The following CGAS variants were observed in gnomAD, a reference collection of about 807,000 sequenced individuals.
CGAS encodes 2'3'-cGAMP synthase.
CGAS carries 31 observed loss-of-function variants against 34.0 expected under a neutral mutation model. The ratio of observed to expected loss-of-function variants is 0.91; its 90% CI spans 0.69 to 1.23. The LOEUF is 1.23. Ranked by LOEUF, CGAS falls within the 50% of genes most tolerant of loss-of-function variation. The pLI, the probability that CGAS is intolerant of heterozygous loss-of-function variation, is 0.00. For missense variants in CGAS, 597 were observed against 657.6 expected (o/e 0.91, Z 1.01); for synonymous variants, 266 against 260.0 (o/e 1.02, Z -0.22).
chr6:73,445,312 G>C (rs1378492316), intron 2 of CGAS, among the ~76,000 whole-genome samples: 1 of 151,392 alleles, frequency 6.6e-6, no homozygotes, highest in African/African-American at 2.4e-5. Context: ...ATTCATTAGA[G>C]AACAAATAGA....
chr6:73,429,965 A>C (rs1770166740), intron 3 of CGAS, among the ~76,000 whole-genome samples: 1 of 152,150 alleles, frequency 6.6e-6, no homozygotes, highest in African/African-American at 2.4e-5. Context: ...CAATCAATAT[A>C]ATCTGTCACA....
chr6:73,429,847 G>A (rs986830270), intron 3 of CGAS, among the ~76,000 whole-genome samples: 7 of 151,754 alleles, frequency 4.6e-5, no homozygotes, highest in South Asian at 2.1e-4. Flanking sequence ...ATTTCTCCCC[G>A]AGTCTTACCA....
At position 73,431,132 on chromosome 6, in the gene CGAS, A is replaced by C. The variant is rs1330696558; in HGVS notation, c.1115-2321T>G. On this transcript the variant is annotated intron_variant, in intron 3 of 4. Transcript: ENST00000370315. The stretch of plus-strand genomic sequence containing the variant: ...ACAAAAACAAAAACAAAAAACAAAC[A>C]AAAAAAAACACCCAACAGTTACCTT... Among the ~76,000 whole-genome samples the C allele has an allele frequency of 6.6e-5, 10 of 150,482 alleles. No individual in the cohort carries two copies. The East Asian group carries it at 1.8e-3, about 27-fold the overall frequency.
intron 1 of CGAS, 21 bp from the exon 2 acceptor site, chr6:73,445,768 T>C (rs2985419): frequency 1 from 1,513,769 of 1,515,874 alleles, 755,859 homozygotes; most frequent in East Asian, 1. Context: ...GTAAAAATAG[T>C]ACTGAAATAT....
In CGAS at chr6:73,451,952, G is replaced by C. The variant is rs980310855; in HGVS notation, c.230C>G (p.Thr77Ser). The stretch of plus-strand genomic sequence containing the variant: ...AGGGGCCTTTTTGGCGCGGGCCCCA[G>C]TTGCGCGGACGGGCGGCCTCTCCTG... ...DTQERPPVRA[T>S]GARAKKAPQR... is the part of the protein sequence containing the mutation. Residue 77 changes from threonine to serine, a missense_variant, in exon 1 of 5, where the codon ACT becomes AGT. Transcript: ENST00000370315. 4 of 1,491,948 alleles carry C rather than the reference G, an allele frequency of 2.7e-6. No homozygotes were observed. The African/African-American group carries it at 5.7e-5, about 21-fold the overall frequency. The allele number at this position is 1,491,948 out of a possible 1,614,324, so 92.4% of individuals were successfully genotyped here.
chr6:73,431,435 C>A (rs1028093933), intron 3 of CGAS, among the ~76,000 whole-genome samples: 2 of 152,166 alleles, frequency 1.3e-5, no homozygotes, highest in African/African-American at 2.4e-5. Context: ...CGGGCGATTG[C>A]ACTCCAGACT....
Position 73,423,848 on chromosome 6 carries a change from G to A in CGAS, c.*1379C>T, listed in dbSNP as rs1304822941. The A allele has an allele frequency of 2.0e-5, 3 of 152,006 alleles. No individual in the cohort carries two copies. The highest frequency in any genetic ancestry group is 4.4e-5 in the Non-Finnish European group (3 of 67,998). The allele number at this position is 152,006 out of a possible 1,614,324, so 9.4% of individuals were successfully genotyped here. A position where few individuals can be genotyped will look rare whatever the true frequency, so the allele number is the denominator to read the frequency against. On this transcript the variant is annotated 3_prime_UTR_variant, in exon 5 of 5. Transcript: ENST00000370315. ...TTTACTAAAAGACACCAAAAAATGT[G>A]CAGACAACCCATATGGCAGAAGTTA...
At position 73,451,671 on chromosome 6, in the gene CGAS, T is replaced by C. The variant is rs761045584; in HGVS notation, c.511A>G (p.Lys171Glu). The C allele has an allele frequency of 2.5e-6, 4 of 1,613,894 alleles. No individual in the cohort carries two copies. The South Asian group carries it at 4.4e-5, about 18-fold the overall frequency. Reference sequence around the variant, plus strand: ...ATATCATCGCGGCTGAGCTTCAACTTCTCCAAAACCGCCCGGAGCTTCGAG... The same window carrying C: ...ATATCATCGCGGCTGAGCTTCAACTCCTCCAAAACCGCCCGGAGCTTCGAG... ...GASKLRAVLE[K>E]LKLSRDDIST... Residue 171 changes from lysine (K) to glutamate (E), a missense_variant, in exon 1 of 5, where the codon AAG becomes GAG. Physicochemically the swap from Lys to Glu is moderately conservative, Grantham distance 56. Coordinates refer to ENST00000370315, the MANE Select transcript of CGAS (RefSeq NM_138441.3).
At chr6:73,450,283 C>G (rs946963803) in intron 1 of CGAS, among the ~76,000 whole-genome samples, 1 of 151,720 alleles carries the variant, frequency 6.6e-6, no homozygotes, top group Non-Finnish European at 1.5e-5. Flanking sequence ...AGGGTGGAGG[C>G]TCATGCTTGT....
At chr6:73,451,361 AAACG>A (rs1269325123) in intron 1 of CGAS, among the ~76,000 whole-genome samples, 160 bp downstream of exon 1, 4 of 152,066 alleles carry the variant, frequency 2.6e-5, no homozygotes, top group Non-Finnish European at 5.9e-5. Flanking sequence ...GTAGATGAAT[AAACG>A]AACGGTTTGT....
chr6:73,445,906 G>T (rs1431935539), intron 1 of CGAS, among the ~76,000 whole-genome samples, 159 bp from the exon 2 acceptor site: 1 of 152,176 alleles, frequency 6.6e-6, no homozygotes, highest in Non-Finnish European at 1.5e-5. Context: ...GAGCTGGCAG[G>T]AGGTGGAAGA....
rs373171892 is a variant in CGAS, at chr6:73,451,641, T to C, written c.541A>G (p.Thr181Ala). ...KLKLSRDDIS[T>A]AAGMVKGVVD... Reference sequence around the variant, plus strand: ...ACCCCTTTCACCATCCCCGCCGCCGTGGAGATATCATCGCGGCTGAGCTTC... The same window carrying C: ...ACCCCTTTCACCATCCCCGCCGCCGCGGAGATATCATCGCGGCTGAGCTTC... Residue 181 changes from threonine (T) to alanine (A), a missense_variant, in exon 1 of 5, where the codon ACG becomes GCG. Transcript: ENST00000370315. The C allele has an allele frequency of 3.4e-5, 55 of 1,614,086 alleles. No individual in the cohort carries two copies. The African/African-American group carries it at 7.1e-4, about 21-fold the overall frequency.
intron 1 of CGAS, 32 bp downstream of exon 1, chr6:73,451,493 G>A: frequency 2.0e-6 from 3 of 1,515,154 alleles, no homozygotes; most frequent in Non-Finnish European, 2.7e-6. Flanking sequence ...GCCGAGCAGC[G>A]GGGCTCGGCG....
chr6:73,450,264 A>C (rs916443728), intron 1 of CGAS, among the ~76,000 whole-genome samples: 1 of 151,924 alleles, frequency 6.6e-6, no homozygotes, highest in Non-Finnish European at 1.5e-5. Context: ...TAAAAATACA[A>C]AATTAGCCAG....
chr6:73,423,915 ATATT>A lies in CGAS; in HGVS notation c.*1308_*1311del. 1 of 152,216 alleles carries A rather than the reference ATATT, an allele frequency of 6.6e-6. No individual in the cohort carries two copies. Among genetic ancestry groups the A allele is most frequent in the East Asian group, 1.9e-4 (1 of 5,204 alleles). 9.4% of individuals were successfully genotyped at this position (152,216 alleles called of 1,614,324 possible). The stretch of plus-strand genomic sequence containing the variant: ...CGAATGAAAGATAAATACCCCAAAT[ATATT>A]AAGAACTTCCCAAAACAATGAGAAG... On this transcript the variant is annotated 3_prime_UTR_variant, in exon 5 of 5. Coordinates refer to ENST00000370315, the MANE Select transcript of CGAS (RefSeq NM_138441.3).
intron 3 of CGAS, among the ~76,000 whole-genome samples, chr6:73,439,166 A>C (rs1562292878): frequency 6.6e-6 from 1 of 151,884 alleles, no homozygotes; most frequent in East Asian, 1.9e-4. Flanking sequence ...ATCCAATAGT[A>C]GTAGGTGCCA....
chr6:73,425,623 T>G, intron 4 of CGAS, 45 bp from the exon 5 acceptor site: 1 of 1,318,970 alleles, frequency 7.6e-7, no homozygotes, highest in Non-Finnish European at 1.0e-6. Context: ...TTATTTACAT[T>G]CAACAAAGGA....
chr6:73,444,371 C>G (rs572216504), intron 2 of CGAS, among the ~76,000 whole-genome samples: 1 of 151,634 alleles, frequency 6.6e-6, no homozygotes, highest in Non-Finnish European at 1.5e-5. Context: ...TGCAATGCCC[C>G]GATCTCGGCT....
At chr6:73,444,677 T>G (rs750953562) in intron 2 of CGAS, among the ~76,000 whole-genome samples, 15 of 152,166 alleles carry the variant, frequency 9.9e-5, no homozygotes, top group Admixed American at 6.6e-4. Flanking sequence ...CTTTGTATTT[T>G]AAAACATTTA....
Sources: gnomAD v4.1 joint callset for allele counts (sites outside exome capture counted in the v4.1 genomes callset) on GRCh38, gnomAD v4.1.1 for gene constraint, MANE v1.5 for transcripts, NCBI Gene and HGNC (gene_info 2026-07-23, HGNC 2026-07-21) for gene names.